The following RREB1 variants were observed in gnomAD, a reference collection of about 807,000 sequenced individuals.
The protein encoded by RREB1 is ras-responsive element-binding protein 1.
In RREB1, 27 loss-of-function variants were observed where a neutral mutation model predicts 117.8. That is an observed-to-expected ratio of 0.23 (90% CI 0.17 to 0.32). The LOEUF is 0.32. Among genes scored for constraint, RREB1 ranks in the 10% least tolerant of loss-of-function variants. The pLI, the probability that RREB1 is intolerant of heterozygous loss-of-function variation, is 1.00. For missense variants in RREB1, 2,577 were observed against 2,378.2 expected (o/e 1.08, Z -1.74); for synonymous variants, 1,298 against 1,026.7 (o/e 1.26, Z -5.05).
chr6:7,108,804 C>T (rs962548987), intron 1 of RREB1: 7 of 151,752 alleles, frequency 4.6e-5, no homozygotes, highest in Admixed American at 6.6e-5. Flanking sequence ...TTTGAACCTC[C>T]CGGGCGGACG....
rs550130162 is a variant in RREB1 at position 7,228,421 on chromosome 6, G to A, written c.898-576G>A. 5.3e-5 allele frequency among the ~76,000 whole-genome samples: 8 copies of A among 151,016 alleles called. No homozygotes were observed. The South Asian group carries it at 1.7e-3, about 32-fold the overall frequency. On this transcript the variant is annotated intron_variant, in intron 9 of 12. Transcript: ENST00000379938. ...CCTGTGGGTTGATATCAGTTATCAC[G>A]CAAACATGATTCTTAAGATGCTTTG...
intron 1 of RREB1, among the ~76,000 whole-genome samples, chr6:7,168,540 C>T (rs550915814): frequency 6.6e-6 from 1 of 152,248 alleles, no homozygotes; most frequent in South Asian, 2.1e-4. Context: ...GAGCTCATTA[C>T]CTTATCTGGC....
intron 2 of RREB1, among the ~76,000 whole-genome samples, chr6:7,177,488 T>C (rs1481418028): frequency 2.0e-5 from 3 of 152,016 alleles, no homozygotes; most frequent in Non-Finnish European, 4.4e-5. Flanking sequence ...TTCATCTGGT[T>C]TCCCAGTGCT....
chr6:7,129,557 A>G (rs1408774938), intron 1 of RREB1, among the ~76,000 whole-genome samples: 1 of 152,268 alleles, frequency 6.6e-6, no homozygotes, highest in South Asian at 2.1e-4. Flanking sequence ...GGATGAACCA[A>G]GAGGCAGCAC....
intron 6 of RREB1, among the ~76,000 whole-genome samples, chr6:7,204,038 C>T (rs1009426592): frequency 5.3e-5 from 8 of 152,334 alleles, no homozygotes; most frequent in East Asian, 1.9e-4. Flanking sequence ...GCCTGGCTGA[C>T]GGCATTCCCA....
chr6:7,214,258 A>C (rs1215832607), intron 8 of RREB1: 7 of 152,148 alleles, frequency 4.6e-5, no homozygotes, highest in Admixed American at 3.3e-4. Flanking sequence ...GACCTAGAGG[A>C]TTTTCCTCAC....
At chr6:7,243,124 TG>T (rs1289908270) in intron 11 of RREB1, among the ~76,000 whole-genome samples, 1 of 152,242 alleles carries the variant, frequency 6.6e-6, no homozygotes, top group Non-Finnish European at 1.5e-5. Context: ...CATGTCAGCA[TG>T]GACTACACCT....
At chr6:7,163,273 G>C (rs1347766252) in intron 1 of RREB1, among the ~76,000 whole-genome samples, 1 of 152,198 alleles carries the variant, frequency 6.6e-6, no homozygotes, top group East Asian at 1.9e-4. Context: ...TCTGTTTGCA[G>C]ATTGGGAGCA....
intron 1 of RREB1, among the ~76,000 whole-genome samples, chr6:7,171,340 G>T (rs767254014): frequency 6.6e-6 from 1 of 152,132 alleles, no homozygotes; most frequent in African/African-American, 2.4e-5. Flanking sequence ...CTGCCTTGAC[G>T]GGGACGGAAA....
At chr6:7,235,365 G>A (rs1445386327) in intron 10 of RREB1, among the ~76,000 whole-genome samples, 4 of 152,212 alleles carry the variant, frequency 2.6e-5, no homozygotes, top group Admixed American at 2.6e-4. Flanking sequence ...CTAGGCTTCT[G>A]TGAGGCGCTG....
At chr6:7,158,001 A>G (rs545043993) in intron 1 of RREB1, among the ~76,000 whole-genome samples, 13 of 151,990 alleles carry the variant, frequency 8.6e-5, no homozygotes, top group Non-Finnish European at 1.8e-4. Flanking sequence ...AGCCCTGAAT[A>G]TCATCAGCCG....
chr6:7,171,958 T>G (rs1391959382), intron 1 of RREB1, among the ~76,000 whole-genome samples: 2 of 151,780 alleles, frequency 1.3e-5, no homozygotes, highest in African/African-American at 2.4e-5. Flanking sequence ...TTTTTTTTTT[T>G]TTTTGGAGAT....
intron 6 of RREB1, among the ~76,000 whole-genome samples, chr6:7,204,141 C>T (rs981000832): frequency 1.2e-4 from 18 of 152,190 alleles, no homozygotes; most frequent in South Asian, 2.1e-4. Context: ...CAGGTGCTTA[C>T]GCATTGTCTA....
Position 7,210,961 on chromosome 6 carries a change from C to G in RREB1, c.570+13C>G. On this transcript the variant is annotated intron_variant, in intron 7 of 12. Transcript: ENST00000379938. ...ACCAGCTAAAAAGGTCCTCTTGGCT[C>G]CCAGTGCAGATTCACCTGCTCAGGG... The G allele has an allele frequency of 6.2e-7, 1 of 1,611,796 alleles. No homozygotes were observed. The highest frequency in any genetic ancestry group is 2.2e-5 in the East Asian group (1 of 44,876).
intron 8 of RREB1, among the ~76,000 whole-genome samples, chr6:7,219,252 C>T (rs988560370): frequency 2.6e-5 from 4 of 151,932 alleles, no homozygotes; most frequent in Admixed American, 1.3e-4. Flanking sequence ...CCTGGCTGAC[C>T]GAGTGAGACG....
chr6:7,192,924 A>G (rs1327220415), intron 6 of RREB1, among the ~76,000 whole-genome samples: 1 of 152,174 alleles, frequency 6.6e-6, no homozygotes, highest in Non-Finnish European at 1.5e-5. Flanking sequence ...TTTTATAGCT[A>G]TCCATTTTCG....
At chr6:7,189,480 G>C (rs975153589) in intron 6 of RREB1, among the ~76,000 whole-genome samples, 158 bp downstream of exon 6, 1 of 152,142 alleles carries the variant, frequency 6.6e-6, no homozygotes, top group Admixed American at 6.5e-5. Flanking sequence ...CACTATCTCT[G>C]GGGTATTAGA....
chr6:7,228,907 T>G, intron 9 of RREB1, 90 bp from the exon 10 acceptor site: 1 of 1,220,494 alleles, frequency 8.2e-7, no homozygotes, highest in African/African-American at 1.5e-5. Context: ...GGGATAAATG[T>G]ACAACAAATA....
At chr6:7,135,030 A>G (rs1561736474) in intron 1 of RREB1, among the ~76,000 whole-genome samples, 1 of 152,242 alleles carries the variant, frequency 6.6e-6, no homozygotes, top group African/African-American at 2.4e-5. Flanking sequence ...ACATTTGGAC[A>G]TACTTAATGA....
Sources: allele counts gnomAD v4.1 joint callset (sites outside exome capture counted in the v4.1 genomes callset), GRCh38; gene constraint gnomAD v4.1.1; transcripts MANE v1.5; gene names NCBI Gene and HGNC (gene_info 2026-07-23, HGNC 2026-07-21).